Variants in SHROOM3 observed in about 807,000 individuals in gnomAD.
SHROOM3 encodes protein Shroom3.
A neutral mutation model predicts 138.6 loss-of-function variants in SHROOM3; 47 were observed. The ratio of observed to expected loss-of-function variants is 0.34; its 90% CI spans 0.27 to 0.43. SHROOM3 has a LOEUF of 0.43. Among genes scored for constraint, SHROOM3 ranks in the 20% least tolerant of loss-of-function variants. The pLI, the probability that SHROOM3 is intolerant of heterozygous loss-of-function variation, is 1.00. For synonymous variants in SHROOM3, 1,062 were observed against 1,063.3 expected (o/e 1.00, Z 0.02); for missense variants, 2,491 against 2,596.5 (o/e 0.96, Z 0.88).
chr4:76,503,372 C>A (rs114044337), intron 1 of SHROOM3, among the ~76,000 whole-genome samples: 1 of 152,028 alleles, frequency 6.6e-6, no homozygotes, highest in African/African-American at 2.4e-5. Flanking sequence ...CCTATGTGTT[C>A]GATTTGCTAT....
At chr4:76,556,581 C>T (rs986825268) in intron 2 of SHROOM3, among the ~76,000 whole-genome samples, 1 of 152,216 alleles carries the variant, frequency 6.6e-6, no homozygotes, top group Admixed American at 6.5e-5. Context: ...TTATCTTGAC[C>T]TGCTAAGCGC....
intron 1 of SHROOM3, among the ~76,000 whole-genome samples, chr4:76,532,874 T>G (rs59775190): frequency 0.12 from 18,769 of 152,092 alleles, 1,687 homozygotes; most frequent in African/African-American, 0.25. Context: ...ACTCCTACAC[T>G]TTAGAACCAT....
chr4:76,566,324 A>G (rs1268631412), intron 2 of SHROOM3, among the ~76,000 whole-genome samples: 1 of 152,134 alleles, frequency 6.6e-6, no homozygotes, highest in African/African-American at 2.4e-5. Context: ...ATCATTTTAT[A>G]CAAGGGACTT....
At chr4:76,537,339 G>T (rs1205595855) in intron 1 of SHROOM3, among the ~76,000 whole-genome samples, 1 of 152,182 alleles carries the variant, frequency 6.6e-6, no homozygotes. Context: ...GAGGGGCAGA[G>T]TGTATGATTG....
intron 2 of SHROOM3, chr4:76,688,509 A>C (rs2110106457): frequency 2.0e-6 from 2 of 985,336 alleles, no homozygotes; most frequent in East Asian, 1.1e-4. Flanking sequence ...CTTGAATGAG[A>C]ATAAAGCCAA....
At chr4:76,569,848 T>A (rs1733800639) in intron 2 of SHROOM3, among the ~76,000 whole-genome samples, 4 of 152,156 alleles carry the variant, frequency 2.6e-5, no homozygotes, top group Admixed American at 2.6e-4. Flanking sequence ...CAACACCCAC[T>A]GAAACTTGCA....
chr4:76,766,292 G>A (rs1159080493), intron 9 of SHROOM3, among the ~76,000 whole-genome samples: 1 of 152,150 alleles, frequency 6.6e-6, no homozygotes, highest in South Asian at 2.1e-4. Flanking sequence ...TTTTCTTCTC[G>A]CTGTGGATAA....
At chr4:76,722,321 T>C (rs1223954367) in intron 3 of SHROOM3, among the ~76,000 whole-genome samples, 1 of 152,100 alleles carries the variant, frequency 6.6e-6, no homozygotes, top group Non-Finnish European at 1.5e-5. Flanking sequence ...TGGAATACTA[T>C]GCAGCCGTAA....
At chr4:76,549,374 C>A (rs1328340742) in intron 1 of SHROOM3, among the ~76,000 whole-genome samples, 1 of 150,956 alleles carries the variant, frequency 6.6e-6, no homozygotes, top group African/African-American at 2.5e-5. Flanking sequence ...AACTTTCTTT[C>A]CTTTTTTTTT....
At chr4:76,643,657 C>A (rs1455106989) in intron 2 of SHROOM3, among the ~76,000 whole-genome samples, 1 of 152,178 alleles carries the variant, frequency 6.6e-6, no homozygotes, top group Non-Finnish European at 1.5e-5. Context: ...AATTTAAAAT[C>A]TGTAATAGGA....
chr4:76,647,227 TAG>T (rs1197499793), intron 2 of SHROOM3, among the ~76,000 whole-genome samples: 1 of 151,954 alleles, frequency 6.6e-6, no homozygotes, highest in African/African-American at 2.4e-5. Context: ...CCCAGGGAGG[TAG>T]AGAGTCGAGT....
Position 76,740,930 on chromosome 4 carries a change from C to G in SHROOM3, c.2757C>G (p.Pro919=), listed in dbSNP as rs771245054. Residue 919 remains proline (P), a synonymous_variant, in exon 5 of 11, where the codon CCC becomes CCG. Coordinates refer to ENST00000296043, the MANE Select transcript of SHROOM3 (RefSeq NM_020859.4). This position sits in a 1 kb window ranked among gnomAD's most constrained non-coding sequence, Gnocchi z 4.0. ...CCGAATCGCCCCTGCTGGATGCCCC[C>G]TTCAGCCGCGCCTACCGGAACAGCA... The part of the protein sequence containing the change: ...GSPESPLLDA[P]FSRAYRNSIK... The G allele has an allele frequency of 6.7e-7, 1 of 1,498,174 alleles. No individual in the cohort carries two copies. The highest frequency in any genetic ancestry group is 1.4e-5 in the South Asian group (1 of 72,356). 92.8% of individuals were successfully genotyped at this position (1,498,174 alleles called of 1,614,324 possible).
At chr4:76,610,015 A>G (rs1400131163) in intron 2 of SHROOM3, among the ~76,000 whole-genome samples, 2 of 152,212 alleles carry the variant, frequency 1.3e-5, no homozygotes, top group Non-Finnish European at 2.9e-5. Context: ...CTCCTGGGCA[A>G]GAAAGGGGAA....
chr4:76,680,318 T>C (rs1719155362), intron 2 of SHROOM3, among the ~76,000 whole-genome samples: 1 of 152,092 alleles, frequency 6.6e-6, no homozygotes, highest in African/African-American at 2.4e-5. Context: ...TTTTTTGTAT[T>C]TTAGTAGACA....
At chr4:76,727,617 C>T (rs1720749798) in intron 3 of SHROOM3, among the ~76,000 whole-genome samples, 1 of 152,146 alleles carries the variant, frequency 6.6e-6, no homozygotes, top group Non-Finnish European at 1.5e-5. Flanking sequence ...CGGCCGGGCA[C>T]GGTGGCTCAC....
At chr4:76,509,073 A>G (rs1028914717) in intron 1 of SHROOM3, among the ~76,000 whole-genome samples, 1 of 152,190 alleles carries the variant, frequency 6.6e-6, no homozygotes, top group Admixed American at 6.5e-5. Flanking sequence ...ATACTATCAT[A>G]CTGACTATTA....
At position 76,753,893 on chromosome 4, in the gene SHROOM3, A is replaced by C. The variant is rs145828349; in HGVS notation, c.3828-418A>C. 4.9e-4 allele frequency among the ~76,000 whole-genome samples: 74 copies of C among 152,304 alleles called. 1 individual carries two copies. Among genetic ancestry groups the C allele is most frequent in the African/African-American group, 1.6e-3 (67 of 41,558 alleles). On this transcript the variant is annotated intron_variant, in intron 6 of 10. Coordinates refer to ENST00000296043, the MANE Select transcript of SHROOM3 (RefSeq NM_020859.4). ...CCTCCCCCGTGGGGATCGCACTGGG[A>C]GAGAAGAAGGCAGCATTATTTTTCC...
chr4:76,449,860 G>A (rs572988407), intron 1 of SHROOM3, among the ~76,000 whole-genome samples: 2 of 152,244 alleles, frequency 1.3e-5, no homozygotes, highest in East Asian at 1.9e-4. Context: ...TTTAGTTAAA[G>A]CATTTTTGTA....
At chr4:76,724,122 G>A (rs989130327) in intron 3 of SHROOM3, among the ~76,000 whole-genome samples, 1 of 152,150 alleles carries the variant, frequency 6.6e-6, no homozygotes, top group East Asian at 1.9e-4. Context: ...TGTCACTTGC[G>A]AATTCCAGTT....
Sources: gnomAD v4.1 joint callset for allele counts (sites outside exome capture counted in the v4.1 genomes callset) on GRCh38, gnomAD v4.1.1 for gene constraint, Gnocchi (gnomAD v3.1) non-coding constraint, MANE v1.5 for transcripts, NCBI Gene and HGNC (gene_info 2026-07-23, HGNC 2026-07-21) for gene names.